MRPS35: variants seen among roughly 807,000 people sequenced by gnomAD.
MRPS35 encodes small ribosomal subunit protein mS35.
A neutral mutation model predicts 32.7 loss-of-function variants in MRPS35; 29 were observed. That is an observed-to-expected ratio of 0.89 (90% CI 0.66 to 1.21). The LOEUF (loss-of-function observed/expected upper bound fraction) is 1.21. Ranked by LOEUF, MRPS35 falls within the 50% of genes most tolerant of loss-of-function variation. MRPS35 has a pLI of 0.00. For missense variants in MRPS35, 373 were observed against 383.8 expected, an observed-to-expected ratio of 0.97 and a Z score of 0.23; for synonymous variants, 148 against 139.3, an observed-to-expected ratio of 1.06 and a Z score of -0.44.
chr12:27,735,724 A>G (rs1408364852), intron 6 of MRPS35, among the ~76,000 whole-genome samples, 168 bp downstream of exon 6: 2 of 152,348 alleles, frequency 1.3e-5, no homozygotes, highest in East Asian at 3.9e-4. Flanking sequence ...ACACTGGCCT[A>G]CTATTGCTGT....
chr12:27,735,660 G>T, intron 6 of MRPS35, 104 bp downstream of exon 6: 1 of 804,452 alleles, frequency 1.2e-6, no homozygotes, highest in East Asian at 2.6e-5. Context: ...ATGGGGGAGG[G>T]CGTAGCCTTT....
intron 3 of MRPS35, among the ~76,000 whole-genome samples, chr12:27,716,916 A>G (rs1209630875): frequency 1.3e-5 from 2 of 152,074 alleles, no homozygotes; most frequent in Admixed American, 1.3e-4. Context: ...GCTTGAACCC[A>G]GGAGGCGGAG....
At chr12:27,728,167 C>A (rs953701636) in intron 5 of MRPS35, among the ~76,000 whole-genome samples, 3 of 151,992 alleles carry the variant, frequency 2.0e-5, no homozygotes, top group African/African-American at 4.8e-5. Flanking sequence ...TGATCCAATA[C>A]CATTTTTGAA....
intron 2 of MRPS35, 87 bp downstream of exon 2, chr12:27,714,907 C>A: frequency 8.7e-7 from 1 of 1,155,078 alleles, no homozygotes; most frequent in Non-Finnish European, 1.3e-6. Context: ...AAGGGTGTTA[C>A]CAGAGAAGAC....
chr12:27,755,095 A>AG, intron 7 of MRPS35, 86 bp from the exon 8 acceptor site: 1 of 1,422,214 alleles, frequency 7.0e-7, no homozygotes, highest in Non-Finnish European at 9.4e-7. Context: ...GGAAAAAAAA[A>AG]AAGAAGAAAG....
At chr12:27,753,766 A>G (rs2062015353) in intron 7 of MRPS35, among the ~76,000 whole-genome samples, 1 of 152,212 alleles carries the variant, frequency 6.6e-6, no homozygotes, top group Non-Finnish European at 1.5e-5. Flanking sequence ...AGGGTATATT[A>G]CTTATTAGCT....
At position 27,710,923 on chromosome 12, in the gene MRPS35, A is replaced by G. The variant is rs17523394; in HGVS notation, c.80A>G (p.Tyr27Cys). 184 of 1,613,100 alleles carry G rather than the reference A, an allele frequency of 1.1e-4. 3 individuals are homozygous for G. The East Asian group carries it at 4.0e-3, about 35-fold the overall frequency. ...RTLRAFSTAV[Y>C]SATPVPTPSL... is the part of the protein sequence containing the mutation. ...CTGCGTGCATTCTCCACTGCCGTCT[A>G]CTCGGCCACTCCGGTCCCGACACCT... The change falls in exon 1 of 8, where the codon TAC becomes TGC. Residue 27 changes from tyrosine (Y) to cysteine (C), a missense_variant. Coordinates refer to ENST00000081029, the MANE Select transcript of MRPS35 (RefSeq NM_021821.4).
rs749477942 is a variant in MRPS35 at position 27,755,272 on chromosome 12, C to T, written c.794C>T (p.Thr265Met). Residue 265 changes from threonine to methionine, a missense_variant, in exon 8 of 8, where the codon ACG becomes ATG. Coordinates refer to ENST00000081029, the MANE Select transcript of MRPS35 (RefSeq NM_021821.4). Reference protein sequence around the residue: ...NSSSERNILETLLQMKAAEKN... With the variant: ...NSSSERNILEMLLQMKAAEKN... ...TCATCAGAAAGAAATATCCTGGAAA[C>T]GCTTCTCCAGATGAAAGCTGCTGAG... is the stretch of plus-strand genomic sequence containing the variant. 4.0e-5 allele frequency: 64 copies of T among 1,612,574 alleles called. 1 individual carries two copies. Among genetic ancestry groups the T allele is most frequent in the South Asian group, 3.2e-4 (29 of 90,506 alleles).
intron 7 of MRPS35, among the ~76,000 whole-genome samples, chr12:27,739,802 C>T (rs1485363486): frequency 6.6e-6 from 1 of 152,096 alleles, no homozygotes; most frequent in African/African-American, 2.4e-5. Context: ...ATGAATTTGC[C>T]CAGAAGGAAA....
intron 4 of MRPS35, among the ~76,000 whole-genome samples, chr12:27,723,584 C>G (rs2061886108): frequency 6.6e-6 from 1 of 152,166 alleles, no homozygotes; most frequent in South Asian, 2.1e-4. Context: ...GACTCCATCT[C>G]AGTTTCTTCT....
At chr12:27,711,351 G>C (rs757859990) in intron 1 of MRPS35, among the ~76,000 whole-genome samples, 7 of 152,192 alleles carry the variant, frequency 4.6e-5, no homozygotes, top group Non-Finnish European at 8.8e-5. Context: ...ACAAATTGCT[G>C]CTCTGAATTC....
rs2061850323 is a variant in MRPS35, at chr12:27,716,305, G to A, written c.168G>A (p.Arg56=). 6.2e-7 allele frequency: 1 copy of A among 1,609,796 alleles called. No homozygotes were observed. Among genetic ancestry groups the A allele is most frequent in the Non-Finnish European group, 8.5e-7 (1 of 1,178,570 alleles). ...ATATTTCTTAGGCACTACCTCCTAG[G>A]ACAGAGAAAATGGCTGTTGACCAGG... The part of the protein sequence containing the change: ...RPPRRKALPP[R]TEKMAVDQDW... The change falls in exon 3 of 8, where the codon AGG becomes AGA. Residue 56 remains arginine (R), a synonymous_variant. Transcript: ENST00000081029.
At chr12:27,721,332 C>T (rs1332862944) in intron 4 of MRPS35, among the ~76,000 whole-genome samples, 1 of 152,128 alleles carries the variant, frequency 6.6e-6, no homozygotes, top group Non-Finnish European at 1.5e-5. Context: ...TGCATTTGTG[C>T]CTGGAATTAG....
At chr12:27,736,246 A>G (rs180899559) in intron 6 of MRPS35, among the ~76,000 whole-genome samples, 24 of 152,278 alleles carry the variant, frequency 1.6e-4, no homozygotes, top group African/African-American at 5.5e-4. Flanking sequence ...GTCAGTATCG[A>G]TTAGGTCTCA....
intron 5 of MRPS35, among the ~76,000 whole-genome samples, chr12:27,733,380 A>G (rs1055642798): frequency 6.6e-6 from 1 of 152,220 alleles, no homozygotes; most frequent in Non-Finnish European, 1.5e-5. Flanking sequence ...ATCTTACATT[A>G]CACGTTGCAG....
At chr12:27,754,731 C>T (rs2062019294) in intron 7 of MRPS35, among the ~76,000 whole-genome samples, 1 of 140,696 alleles carries the variant, frequency 7.1e-6, no homozygotes, top group South Asian at 2.2e-4. Flanking sequence ...TGTGCCACTG[C>T]ACTCCAGCCT....
chr12:27,722,986 C>T (rs1394004822), intron 4 of MRPS35, among the ~76,000 whole-genome samples: 1 of 152,164 alleles, frequency 6.6e-6, no homozygotes, highest in Non-Finnish European at 1.5e-5. Context: ...TAGAAGAGCT[C>T]CCACATCTGC....
intron 7 of MRPS35, among the ~76,000 whole-genome samples, chr12:27,751,222 G>A (rs2062002056): frequency 6.6e-6 from 1 of 151,994 alleles, no homozygotes; most frequent in African/African-American, 2.4e-5. Flanking sequence ...TACAGGATAG[G>A]AAGCCAGGCC....
chr12:27,728,117 C>T (rs1316381482), intron 5 of MRPS35, among the ~76,000 whole-genome samples: 1 of 152,050 alleles, frequency 6.6e-6, no homozygotes, highest in Non-Finnish European at 1.5e-5. Context: ...TGGTGTGAAG[C>T]TGGGGTCCAG....
Sources: gnomAD v4.1 joint callset for allele counts (sites outside exome capture counted in the v4.1 genomes callset) on GRCh38, gnomAD v4.1.1 for gene constraint, MANE v1.5 for transcripts, NCBI Gene and HGNC (gene_info 2026-07-23, HGNC 2026-07-21) for gene names.